The following CUL4A variants were observed in gnomAD, a reference collection of about 807,000 sequenced individuals.
The protein encoded by CUL4A is cullin-4A.
In CUL4A, 16 loss-of-function variants were observed where a neutral mutation model predicts 95.5. The ratio of observed to expected loss-of-function variants is 0.17; its 90% confidence interval spans 0.11 to 0.25. CUL4A has a LOEUF of 0.25. Among genes scored for constraint, CUL4A ranks in the 10% least tolerant of loss-of-function variants. The pLI is 1.00. For missense variants in CUL4A, 610 were observed against 937.0 expected (o/e 0.65, Z 4.56); for synonymous variants, 380 against 353.1 (o/e 1.08, Z -0.85).
chr13:113,208,753 GT>G, upstream of CUL4A: 6 of 1,469,836 alleles, frequency 4.1e-6, no homozygotes, highest in Non-Finnish European at 5.4e-6. Context: ...GGGTGCGCAG[GT>G]TGGTTCCGGA....
At chr13:113,219,865 G>C (rs962250087) in intron 3 of CUL4A, 1 of 152,256 alleles carries the variant, frequency 6.6e-6, no homozygotes, top group Non-Finnish European at 1.5e-5. Context: ...GTCTACAGGG[G>C]AGTCTCTGGG....
In CUL4A at chr13:113,236,908, T is replaced by C; in HGVS notation, c.916+18T>C. 6.4e-7 allele frequency: 1 copy of C among 1,572,772 alleles called. No individual in the cohort carries two copies. The highest frequency in any genetic ancestry group is 8.7e-7 in the Non-Finnish European group (1 of 1,145,568). The stretch of plus-strand genomic sequence containing the variant: ...GCAGAAAGGTAGATTTCCTAACTCT[T>C]GTGCAAATTAAACTGAACAATTATC... On this transcript the variant is annotated intron_variant, in intron 9 of 19. Transcript: ENST00000375440.
intron 5 of CUL4A, chr13:113,230,343 T>C (rs1169867737): frequency 6.6e-6 from 1 of 152,422 alleles, no homozygotes; most frequent in Non-Finnish European, 1.5e-5. Context: ...GAGATGTCGG[T>C]GACCTGCCAG....
At chr13:113,237,391 G>A (rs1203007676) in intron 9 of CUL4A, among the ~76,000 whole-genome samples, 1 of 152,232 alleles carries the variant, frequency 6.6e-6, no homozygotes, top group Non-Finnish European at 1.5e-5. Flanking sequence ...TTCTGGAAGA[G>A]AAGAGCATGT....
chr13:113,217,025 G>A (rs1413048237), intron 2 of CUL4A, among the ~76,000 whole-genome samples: 1 of 152,198 alleles, frequency 6.6e-6, no homozygotes, highest in South Asian at 2.1e-4. Flanking sequence ...GGCAGAGTGG[G>A]TTATAAAATA....
intron 2 of CUL4A, among the ~76,000 whole-genome samples, chr13:113,215,225 T>A (rs2040607852): frequency 6.8e-6 from 1 of 147,146 alleles, no homozygotes; most frequent in Non-Finnish European, 1.5e-5. Context: ...GGAGGTCACA[T>A]CCCGTGTGGC....
chr13:113,262,354 C>T (rs1025225034), intron 19 of CUL4A, among the ~76,000 whole-genome samples: 5 of 152,112 alleles, frequency 3.3e-5, no homozygotes, highest in East Asian at 1.9e-4. Context: ...TGTAAATACA[C>T]GAGAATAAAA....
At chr13:113,241,203 AG>A (rs1213510558) in intron 10 of CUL4A, among the ~76,000 whole-genome samples, 2 of 152,222 alleles carry the variant, frequency 1.3e-5, no homozygotes, top group Non-Finnish European at 2.9e-5. Flanking sequence ...GACAGTCTTC[AG>A]GGGATGGGAA....
intron 18 of CUL4A, among the ~76,000 whole-genome samples, chr13:113,256,385 C>T (rs1161290616): frequency 6.6e-6 from 1 of 152,184 alleles, no homozygotes; most frequent in Non-Finnish European, 1.5e-5. Context: ...CTGGCACAGA[C>T]ATTTCTGTGC....
In CUL4A at chr13:113,240,474, G is replaced by A. The variant is rs138541210; in HGVS notation, c.1035+923G>A. Among the ~76,000 whole-genome samples the A allele has an allele frequency of 9.2e-5, 14 of 152,326 alleles. No individual in the cohort carries two copies. The East Asian group carries it at 2.7e-3, about 29-fold the overall frequency. Reference sequence around the variant, plus strand: ...CTCGTGTTTTCAGGATGTGCCAGTTGCCTAGCATGAATTTTCCAGCTTAAA... The same window carrying A: ...CTCGTGTTTTCAGGATGTGCCAGTTACCTAGCATGAATTTTCCAGCTTAAA... On this transcript the variant is annotated intron_variant, in intron 10 of 19. Coordinates refer to ENST00000375440, the MANE Select transcript of CUL4A (RefSeq NM_001008895.4).
chr13:113,262,604 G>A (rs1044033808), intron 19 of CUL4A, among the ~76,000 whole-genome samples: 1 of 152,162 alleles, frequency 6.6e-6, no homozygotes, highest in Non-Finnish European at 1.5e-5. Context: ...AGCTGAGATC[G>A]CACCACTGCA....
intron 9 of CUL4A, among the ~76,000 whole-genome samples, chr13:113,238,772 C>T (rs1404993802): frequency 6.6e-6 from 1 of 152,162 alleles, no homozygotes; most frequent in Non-Finnish European, 1.5e-5. Context: ...GAACATCGTG[C>T]CCAGTGTAGG....
chr13:113,229,463 C>T lies in CUL4A; in HGVS notation c.456C>T (p.Ile152=). ...HCRQMIMIRS[I]FLFLDRTYVL... ...CTGGTCAGATCATGATCAGAAGCAT[C>T]TTCCTGTTCTTGGACCGCACCTATG... Residue 152 remains isoleucine (I), a synonymous_variant, in exon 5 of 20, where the codon ATC becomes ATT. Coordinates refer to ENST00000375440, the MANE Select transcript of CUL4A (RefSeq NM_001008895.4). The T allele has an allele frequency of 6.2e-7, 1 of 1,613,744 alleles. No homozygotes were observed. The highest frequency in any genetic ancestry group is 1.7e-5 in the Admixed American group (1 of 60,028).
chr13:113,251,401 C>G (rs1651299674), intron 15 of CUL4A, among the ~76,000 whole-genome samples: 1 of 152,210 alleles, frequency 6.6e-6, no homozygotes, highest in African/African-American at 2.4e-5. Flanking sequence ...TAGAATTTCA[C>G]GCTTTCTTTG....
upstream of CUL4A, chr13:113,208,596 C>CA (rs1566998413): frequency 3.1e-6 from 5 of 1,605,818 alleles, no homozygotes; most frequent in Non-Finnish European, 4.2e-6. Flanking sequence ...GGCTAGGACC[C>CA]ACCTGCTGCA....
Position 113,217,389 on chromosome 13 carries a change from T to A in CUL4A, c.265-1556T>A, listed in dbSNP as rs114003168. ...ACAGAATGTGGGTAGGAATTCCGTT[T>A]CTATAGTAAGACAAAATGTAGGGGG... On this transcript the variant is annotated intron_variant, in intron 2 of 19. Transcript: ENST00000375440. Among the ~76,000 whole-genome samples, 1,300 of 152,330 alleles carry A rather than the reference T, an allele frequency of 8.5e-3. 23 individuals carry two copies. The highest frequency in any genetic ancestry group is 0.03 in the African/African-American group (1,254 of 41,572).
At chr13:113,248,414 T>C (rs768763643) in intron 15 of CUL4A, among the ~76,000 whole-genome samples, 7 of 152,250 alleles carry the variant, frequency 4.6e-5, no homozygotes, top group Non-Finnish European at 7.3e-5. Context: ...TTGTCCCATA[T>C]GTGGTCTGTG....
At chr13:113,208,976 A>T, upstream of CUL4A, 1 of 1,076,156 alleles carries the variant, frequency 9.3e-7, no homozygotes, top group Admixed American at 5.2e-5. Context: ...CCCTTGTGAA[A>T]ACCAGGCCGC....
chr13:113,209,884 G>C (rs2040298604), intron 1 of CUL4A, 89 bp from the exon 2 acceptor site: 1 of 1,189,574 alleles, frequency 8.4e-7, no homozygotes, highest in South Asian at 3.1e-5. Flanking sequence ...CCGGGAGCGG[G>C]GGCGCCGGGG....
Sources: gnomAD v4.1 joint callset for allele counts (sites outside exome capture counted in the v4.1 genomes callset) on GRCh38, gnomAD v4.1.1 for gene constraint, MANE v1.5 for transcripts, NCBI Gene and HGNC (gene_info 2026-07-23, HGNC 2026-07-21) for gene names.